Variants in PCDH9 observed in about 807,000 individuals in gnomAD.
The protein encoded by PCDH9 is protocadherin 9.
PCDH9 carries 24 observed loss-of-function variants against 70.6 expected under a neutral mutation model. That is an observed-to-expected ratio of 0.34 (90% CI 0.25 to 0.48). The LOEUF is 0.48. Ranked by LOEUF, PCDH9 falls within the 20% of genes least tolerant of loss-of-function variation. The probability of loss-of-function intolerance (pLI) is 0.99; values close to 1 mark genes in which losing one functional copy is unlikely to be tolerated. For missense variants in PCDH9, 1,281 were observed against 1,503.6 expected (o/e 0.85, Z 2.45); for synonymous variants, 562 against 558.5 (o/e 1.01, Z -0.09).
At position 66,600,326 on chromosome 13, in the gene PCDH9, C is replaced by A. The variant is rs572692654; in HGVS notation, c.3340+30884G>T. ...CAATTCAAAACAACGTATTTTAGAA[C>A]CACGAAGTCTACTGAGGAATTGTCT... On this transcript the variant is annotated intron_variant, in intron 4 of 4. Coordinates refer to ENST00000377865, the MANE Select transcript of PCDH9 (RefSeq NM_203487.3). Among the ~76,000 whole-genome samples, 11 of 151,970 alleles carry A rather than the reference C, an allele frequency of 7.2e-5. 1 individual carries two copies. In the East Asian group the frequency reaches 1.7e-3, roughly 24 times the overall value.
At chr13:66,502,061 T>C (rs1959179564) in intron 4 of PCDH9, among the ~76,000 whole-genome samples, 1 of 152,112 alleles carries the variant, frequency 6.6e-6, no homozygotes, top group South Asian at 2.1e-4. Context: ...AATTGCCAGT[T>C]TTGATATTCT....
intron 4 of PCDH9, among the ~76,000 whole-genome samples, chr13:66,332,995 TTGA>T: frequency 6.6e-6 from 1 of 152,178 alleles, no homozygotes; most frequent in East Asian, 1.9e-4. Context: ...CTCTCTTACA[TTGA>T]TGCTGACAGA....
At chr13:66,761,769 T>G (rs1291079098) in intron 3 of PCDH9, among the ~76,000 whole-genome samples, 1 of 152,150 alleles carries the variant, frequency 6.6e-6, no homozygotes, top group African/African-American at 2.4e-5. Flanking sequence ...ACATTGTTTT[T>G]CTCATTTTGT....
intron 2 of PCDH9, among the ~76,000 whole-genome samples, chr13:67,066,099 T>C (rs2085641887): frequency 6.6e-6 from 1 of 152,152 alleles, no homozygotes; most frequent in African/African-American, 2.4e-5. Context: ...TGATATAATG[T>C]GTGTGCTTGA....
intron 2 of PCDH9, among the ~76,000 whole-genome samples, chr13:67,048,481 CTGTT>C (rs2085264403): frequency 6.6e-6 from 1 of 152,312 alleles, no homozygotes; most frequent in African/African-American, 2.4e-5. Context: ...CCTGTCCCTT[CTGTT>C]TGTTTTTCAT....
intron 4 of PCDH9, among the ~76,000 whole-genome samples, chr13:66,418,852 T>C (rs1413455330): frequency 6.6e-6 from 1 of 151,706 alleles, no homozygotes; most frequent in African/African-American, 2.4e-5. Context: ...GCCAGACTAA[T>C]AAAGAAGTAA....
intron 4 of PCDH9, among the ~76,000 whole-genome samples, chr13:66,434,036 G>A: frequency 6.6e-6 from 1 of 151,870 alleles, no homozygotes; most frequent in Non-Finnish European, 1.5e-5. Context: ...ATACAGTGAT[G>A]TTGATGGAGT....
At chr13:67,060,681 C>T (rs1398885339) in intron 2 of PCDH9, among the ~76,000 whole-genome samples, 1 of 151,978 alleles carries the variant, frequency 6.6e-6, no homozygotes, top group Non-Finnish European at 1.5e-5. Context: ...CTCCACCTTC[C>T]CCAAATTAGT....
At chr13:66,660,561 G>A (rs550879428) in intron 3 of PCDH9, among the ~76,000 whole-genome samples, 2 of 152,186 alleles carry the variant, frequency 1.3e-5, no homozygotes, top group East Asian at 1.9e-4. Context: ...TTTGGTTGAT[G>A]TTTTTTCTTA....
At chr13:66,913,241 C>T (rs923214465) in intron 2 of PCDH9, among the ~76,000 whole-genome samples, 4 of 151,806 alleles carry the variant, frequency 2.6e-5, no homozygotes, top group Non-Finnish European at 5.9e-5. Context: ...AGTATAGATC[C>T]ATAGAGAATG....
chr13:67,007,526 A>T (rs2139834015), intron 2 of PCDH9, among the ~76,000 whole-genome samples: 1 of 152,348 alleles, frequency 6.6e-6, no homozygotes, highest in African/African-American at 2.4e-5. Context: ...ATTCTTCTGC[A>T]TCAGTTATTT....
chr13:67,006,193 C>G (rs776983808), intron 2 of PCDH9, among the ~76,000 whole-genome samples: 4 of 152,294 alleles, frequency 2.6e-5, no homozygotes, highest in Non-Finnish European at 4.4e-5. Flanking sequence ...TGCCACTGCA[C>G]TCCAGCCTGG....
intron 3 of PCDH9, among the ~76,000 whole-genome samples, chr13:66,762,285 T>C (rs1292374324): frequency 1.3e-5 from 2 of 152,096 alleles, no homozygotes; most frequent in Non-Finnish European, 2.9e-5. Context: ...CTGGTGATGA[T>C]GCAGGCCAAA....
chr13:66,365,990 G>T (rs1956547986), intron 4 of PCDH9, among the ~76,000 whole-genome samples: 1 of 151,904 alleles, frequency 6.6e-6, no homozygotes, highest in Non-Finnish European at 1.5e-5. Flanking sequence ...ATAAAATTTT[G>T]CAAATATGAA....
At chr13:66,499,312 T>C (rs1336082895) in intron 4 of PCDH9, among the ~76,000 whole-genome samples, 5 of 152,140 alleles carry the variant, frequency 3.3e-5, no homozygotes, top group African/African-American at 1.2e-4. Flanking sequence ...TTCAAGAAGG[T>C]CTATATATAA....
chr13:66,397,483 T>TAC (rs1257293571), intron 4 of PCDH9, among the ~76,000 whole-genome samples: 2 of 150,496 alleles, frequency 1.3e-5, no homozygotes, highest in African/African-American at 4.9e-5. Flanking sequence ...TGTGTGTATA[T>TAC]ATATATATGT....
At chr13:67,083,671 C>T (rs2086033727) in intron 2 of PCDH9, among the ~76,000 whole-genome samples, 3 of 152,094 alleles carry the variant, frequency 2.0e-5, no homozygotes, top group Non-Finnish European at 4.4e-5. Context: ...TTAAGGCCTC[C>T]CTAAATGGAA....
At chr13:66,974,143 T>C (rs192935985) in intron 2 of PCDH9, among the ~76,000 whole-genome samples, 31 of 152,064 alleles carry the variant, frequency 2.0e-4, no homozygotes, top group Non-Finnish European at 8.8e-5. Context: ...TCTGTCTGTA[T>C]TTTAAATACC....
Position 67,225,739 on chromosome 13 carries a change from T to C in PCDH9, c.2702A>G (p.Asn901Ser), listed in dbSNP as rs1260973125. The change falls in exon 2 of 5, where the codon AAT becomes AGT. Residue 901 changes from asparagine (N) to serine (S), a missense_variant. Transcript: ENST00000377865. The part of the protein sequence containing the change: ...KPDDAVHEPI[N>S]GTISLPAELE... ...TTCAGCCGGCAGGCTTATTGTCCCA[T>C]TGATAGGTTCATGAACTGCATCATC... is the stretch of plus-strand genomic sequence containing the variant. 6.2e-7 allele frequency: 1 copy of C among 1,614,120 alleles called. No homozygotes were observed.
Sources: gnomAD v4.1 joint callset for allele counts (sites outside exome capture counted in the v4.1 genomes callset) on GRCh38, gnomAD v4.1.1 for gene constraint, MANE v1.5 for transcripts, NCBI Gene and HGNC (gene_info 2026-07-23, HGNC 2026-07-21) for gene names.